The following RXFP2 variants were observed in gnomAD, a reference collection of about 807,000 sequenced individuals.
RXFP2 encodes relaxin family peptide receptor 2.
In RXFP2, 68 loss-of-function variants were observed where a neutral mutation model predicts 88.6. The ratio of observed to expected loss-of-function variants is 0.77; its 90% CI spans 0.63 to 0.94. RXFP2 has a LOEUF of 0.94. Ranked by LOEUF, RXFP2 falls within the 40% of genes least tolerant of loss-of-function variation. The probability of loss-of-function intolerance (pLI) is 0.00; values close to 1 mark genes in which losing one functional copy is unlikely to be tolerated. For missense variants in RXFP2, 791 were observed against 893.9 expected (o/e 0.88, Z 1.47); for synonymous variants, 329 against 306.8 (o/e 1.07, Z -0.76).
chr13:31,794,427 A>C (rs78983114), intron 16 of RXFP2, among the ~76,000 whole-genome samples: 3,460 of 151,456 alleles, frequency 0.023, 128 homozygotes, highest in African/African-American at 0.08. Flanking sequence ...TGCATTGTTC[A>C]AATAGGCATT....
intron 1 of RXFP2, among the ~76,000 whole-genome samples, chr13:31,749,199 A>G (rs1451700920): frequency 6.6e-6 from 1 of 152,140 alleles, no homozygotes; most frequent in East Asian, 1.9e-4. Context: ...TTATCTATCT[A>G]GAATTGAGCA....
intron 1 of RXFP2, among the ~76,000 whole-genome samples, chr13:31,739,916 C>T (rs185022795): frequency 6.6e-6 from 1 of 151,928 alleles, no homozygotes; most frequent in Non-Finnish European, 1.5e-5. Context: ...TGGAAACAAG[C>T]CTTTGTATGT....
chr13:31,746,352 A>C (rs981893176), intron 1 of RXFP2, among the ~76,000 whole-genome samples: 2 of 152,188 alleles, frequency 1.3e-5, no homozygotes, highest in African/African-American at 4.8e-5. Flanking sequence ...TGACACATTA[A>C]TTCTACTTGA....
At chr13:31,756,292 C>T (rs905418073) in intron 1 of RXFP2, among the ~76,000 whole-genome samples, 3 of 152,198 alleles carry the variant, frequency 2.0e-5, no homozygotes, top group Non-Finnish European at 4.4e-5. Flanking sequence ...GACGTGCCTT[C>T]GTGTTCTCAG....
intron 16 of RXFP2, among the ~76,000 whole-genome samples, chr13:31,795,447 G>C (rs1000921980): frequency 6.6e-6 from 1 of 152,172 alleles, no homozygotes; most frequent in Non-Finnish European, 1.5e-5. Context: ...ACCACACCCA[G>C]CCTAGAACAT....
chr13:31,754,289 G>C (rs1184898430), intron 1 of RXFP2, among the ~76,000 whole-genome samples: 1 of 152,216 alleles, frequency 6.6e-6, no homozygotes, highest in Admixed American at 6.5e-5. Flanking sequence ...TCAGCACTTT[G>C]GGAGGCCGAA....
At chr13:31,773,627 G>A (rs1286586956) in intron 5 of RXFP2, among the ~76,000 whole-genome samples, 1 of 152,074 alleles carries the variant, frequency 6.6e-6, no homozygotes, top group South Asian at 2.1e-4. Flanking sequence ...CTTCAGGTCT[G>A]AAAGAGTCAC....
At chr13:31,800,122 C>T (rs1269845775) in intron 17 of RXFP2, among the ~76,000 whole-genome samples, 6 of 152,188 alleles carry the variant, frequency 3.9e-5, no homozygotes, top group African/African-American at 1.4e-4. Context: ...AGCTTCTTCT[C>T]GCTTGCCCAG....
chr13:31,773,566 C>T (rs1422449733), intron 5 of RXFP2, among the ~76,000 whole-genome samples: 3 of 151,940 alleles, frequency 2.0e-5, no homozygotes, highest in African/African-American at 7.3e-5. Flanking sequence ...CCTTCATCTC[C>T]CCGCTTCCTG....
At position 31,782,597 on chromosome 13, in the gene RXFP2, G is replaced by A. The variant is rs1328615634; in HGVS notation, c.858-79G>A. 3.9e-6 allele frequency: 4 copies of A among 1,034,382 alleles called. No homozygotes were observed. The Admixed American group carries it at 5.1e-5, about 13-fold the overall frequency. 64.1% of individuals were successfully genotyped at this position (1,034,382 alleles called of 1,614,324 possible). ...AAGGAGGCTTATAAAATTCTGCCTGGATCAGTGGCCTCTCCCAATGAGAAC... is the reference window on the plus strand; with the variant it reads ...AAGGAGGCTTATAAAATTCTGCCTGAATCAGTGGCCTCTCCCAATGAGAAC... On this transcript the variant is annotated intron_variant, in intron 10 of 17. Coordinates refer to ENST00000298386, the MANE Select transcript of RXFP2 (RefSeq NM_130806.5).
chr13:31,763,530 T>C (rs1189050248), intron 3 of RXFP2, among the ~76,000 whole-genome samples: 1 of 152,160 alleles, frequency 6.6e-6, no homozygotes, highest in Admixed American at 6.5e-5. Flanking sequence ...ATGTCAATCA[T>C]GTTCAGATAG....
At chr13:31,786,687 T>C (rs1242859295) in intron 13 of RXFP2, 50 bp downstream of exon 13, 2 of 1,136,564 alleles carry the variant, frequency 1.8e-6, no homozygotes, top group Non-Finnish European at 2.6e-6. Flanking sequence ...TGGATGTACT[T>C]AGAGACACAT....
rs1161912610 is a variant in RXFP2, at chr13:31,792,748, T to C, written c.1446T>C (p.Tyr482=). Residue 482 remains tyrosine (Y), a synonymous_variant, in exon 16 of 18, where the codon TAT becomes TAC. Coordinates refer to ENST00000298386, the MANE Select transcript of RXFP2 (RefSeq NM_130806.5). ...GIFDIKYRGQ[Y]QKYALLWMES... Reference sequence around the variant, plus strand: ...TCGATATAAAATACCGAGGGCAGTATCAGAAGTATGCCTTGCTGTGGATGG... The same window carrying C: ...TCGATATAAAATACCGAGGGCAGTACCAGAAGTATGCCTTGCTGTGGATGG... The C allele has an allele frequency of 1.2e-6, 2 of 1,614,154 alleles. No individual in the cohort carries two copies. Among genetic ancestry groups the C allele is most frequent in the Middle Eastern group, 1.6e-4 (1 of 6,062 alleles).
intron 5 of RXFP2, among the ~76,000 whole-genome samples, chr13:31,766,463 T>C (rs1314668032): frequency 6.6e-6 from 1 of 152,160 alleles, no homozygotes; most frequent in African/African-American, 2.4e-5. Flanking sequence ...ACAGGAGTTA[T>C]GCAACCAGTG....
At chr13:31,781,598 AT>A in intron 9 of RXFP2, 72 bp from the exon 10 acceptor site, 1 of 1,093,658 alleles carries the variant, frequency 9.1e-7, no homozygotes, top group Non-Finnish European at 1.4e-6. Context: ...CTTGATAACC[AT>A]TTTAAAAAGT....
chr13:31,776,388 T>C (rs1218470884), intron 7 of RXFP2, among the ~76,000 whole-genome samples: 1 of 151,060 alleles, frequency 6.6e-6, no homozygotes, highest in Admixed American at 6.6e-5. Context: ...CCTGAGTAGT[T>C]GGGACTACAC....
At position 31,803,039 on chromosome 13, in the gene RXFP2, TATC is replaced by T. The variant is rs779010821; in HGVS notation, c.*636_*638del. 3.9e-5 allele frequency: 6 copies of T among 152,472 alleles called. No homozygotes were observed. The highest frequency in any genetic ancestry group is 7.3e-5 in the Non-Finnish European group (5 of 68,234). 9.4% of individuals were successfully genotyped at this position (152,472 alleles called of 1,614,324 possible). A position where few individuals can be genotyped will look rare whatever the true frequency, so the allele number is the denominator to read the frequency against. ...CATTTGCCTTTTGGATTTTATTTAA[TATC>T]AGAAGAGATGAATTCTTAAGATATT... On this transcript the variant is annotated 3_prime_UTR_variant, in exon 18 of 18. Transcript: ENST00000298386.
chr13:31,777,723 G>A (rs1220835933), intron 8 of RXFP2, among the ~76,000 whole-genome samples: 1 of 152,012 alleles, frequency 6.6e-6, no homozygotes, highest in Non-Finnish European at 1.5e-5. Context: ...GTTTTTATTT[G>A]CAGTGGTTGA....
At chr13:31,756,774 C>T (rs578069641) in intron 1 of RXFP2, among the ~76,000 whole-genome samples, 6 of 152,112 alleles carry the variant, frequency 3.9e-5, no homozygotes, top group South Asian at 2.1e-4. Context: ...GCACGTGCCA[C>T]CATGCCTGAC....
Sources: gnomAD v4.1 joint callset for allele counts (sites outside exome capture counted in the v4.1 genomes callset) on GRCh38, gnomAD v4.1.1 for gene constraint, MANE v1.5 for transcripts, NCBI Gene and HGNC (gene_info 2026-07-23, HGNC 2026-07-21) for gene names.